EXOC4: variants seen among roughly 807,000 people sequenced by gnomAD.
EXOC4 encodes exocyst complex component 4, also known as SEC8-like 1.
A neutral mutation model predicts 107.2 loss-of-function variants in EXOC4; 71 were observed. That is an observed-to-expected ratio of 0.66 (90% CI 0.55 to 0.81). The LOEUF (loss-of-function observed/expected upper bound fraction) is 0.81. Ranked by LOEUF, EXOC4 falls within the 30% of genes least tolerant of loss-of-function variation. The pLI is 0.00. For missense variants in EXOC4, 1,108 were observed against 1,189.6 expected, an observed-to-expected ratio of 0.93 and a Z score of 1.01; for synonymous variants, 456 against 441.2, an observed-to-expected ratio of 1.03 and a Z score of -0.42.
At chr7:133,888,553 A>G (rs780744815) in intron 11 of EXOC4, among the ~76,000 whole-genome samples, 14 of 152,336 alleles carry the variant, frequency 9.2e-5, no homozygotes, top group African/African-American at 1.2e-4. Context: ...TTTGTTGACT[A>G]TGCGTCTTTT....
chr7:133,261,308 C>T (rs1307007779), intron 1 of EXOC4, among the ~76,000 whole-genome samples: 6 of 150,714 alleles, frequency 4.0e-5, no homozygotes, highest in African/African-American at 1.5e-4. Flanking sequence ...GCTCTCTTGC[C>T]CAGGCTGGAG....
intron 9 of EXOC4, among the ~76,000 whole-genome samples, chr7:133,506,565 C>T (rs1022238491): frequency 6.6e-6 from 1 of 152,058 alleles, no homozygotes. Flanking sequence ...TTATGAACAT[C>T]TGTGATACTC....
At position 133,919,313 on chromosome 7, in the gene EXOC4, T is replaced by C. The variant is rs1799885171; in HGVS notation, c.2027+1575T>C. On this transcript the variant is annotated intron_variant, in intron 13 of 17. Coordinates refer to ENST00000253861, the MANE Select transcript of EXOC4 (RefSeq NM_021807.4). ...ACACCTCCCCCAACCATTTCCTCTG[T>C]TTTTAACATCTTGCATTCATGTGGT... is the stretch of plus-strand genomic sequence containing the variant. 1.3e-5 allele frequency among the ~76,000 whole-genome samples: 2 copies of C among 152,158 alleles called. 1 individual carries two copies. The highest frequency in any genetic ancestry group is 1.3e-4 in the Admixed American group (2 of 15,276).
At chr7:133,326,155 G>A (rs371192601) in intron 5 of EXOC4, among the ~76,000 whole-genome samples, 2 of 152,116 alleles carry the variant, frequency 1.3e-5, no homozygotes, top group Non-Finnish European at 2.9e-5. Flanking sequence ...CAATGGGTTC[G>A]AACTTCCTCC....
At chr7:133,982,946 C>A (rs908932706) in intron 14 of EXOC4, among the ~76,000 whole-genome samples, 1 of 152,160 alleles carries the variant, frequency 6.6e-6, no homozygotes, top group Non-Finnish European at 1.5e-5. Flanking sequence ...GTATGATAGT[C>A]TGTTCTTGCA....
chr7:133,847,875 ATT>A (rs55923568), intron 11 of EXOC4, among the ~76,000 whole-genome samples: 14 of 85,056 alleles, frequency 1.6e-4, no homozygotes, highest in African/African-American at 5.9e-4. Flanking sequence ...TGCCCAGCTA[ATT>A]TTTTTTTTTT....
chr7:133,608,292 A>C (rs987951838), intron 9 of EXOC4, among the ~76,000 whole-genome samples: 1 of 152,098 alleles, frequency 6.6e-6, no homozygotes, highest in African/African-American at 2.4e-5. Flanking sequence ...ATTTAGGTTA[A>C]CAGTTTGTTT....
chr7:133,985,160 A>C (rs1794085514), intron 14 of EXOC4, among the ~76,000 whole-genome samples: 1 of 152,214 alleles, frequency 6.6e-6, no homozygotes, highest in African/African-American at 2.4e-5. Context: ...AAACACTAAA[A>C]AGTTATATTG....
intron 9 of EXOC4, among the ~76,000 whole-genome samples, chr7:133,591,764 T>C (rs1447184952): frequency 6.6e-6 from 1 of 152,192 alleles, no homozygotes; most frequent in African/African-American, 2.4e-5. Flanking sequence ...GGGACCGCTC[T>C]GTAAAAGGTG....
intron 10 of EXOC4, among the ~76,000 whole-genome samples, chr7:133,689,062 A>C (rs1233781213): frequency 6.6e-6 from 1 of 152,182 alleles, no homozygotes; most frequent in Non-Finnish European, 1.5e-5. Flanking sequence ...TCTGGAAACT[A>C]TGCTGTGGTC....
chr7:134,092,528 A>T, the EXOC4 span, among the ~76,000 whole-genome samples: 1 of 152,206 alleles, frequency 6.6e-6, no homozygotes, highest in African/African-American at 2.4e-5. Flanking sequence ...GAAACCTTAT[A>T]AGCCAGAGGA....
chr7:133,550,377 T>C (rs1351983082), intron 9 of EXOC4, among the ~76,000 whole-genome samples: 1 of 152,184 alleles, frequency 6.6e-6, no homozygotes, highest in Non-Finnish European at 1.5e-5. Flanking sequence ...CTGTTTAGAC[T>C]TGTTTTATTA....
At chr7:133,485,902 T>C (rs1193767951) in intron 9 of EXOC4, among the ~76,000 whole-genome samples, 1 of 152,208 alleles carries the variant, frequency 6.6e-6, no homozygotes, top group Admixed American at 6.5e-5. Flanking sequence ...AGTAAGAGTA[T>C]ATTAATTGCC....
intron 9 of EXOC4, among the ~76,000 whole-genome samples, chr7:133,590,148 A>T (rs1801507096): frequency 6.6e-6 from 1 of 152,160 alleles, no homozygotes. Context: ...CCATTTTCCC[A>T]GTGCACATGC....
intron 10 of EXOC4, among the ~76,000 whole-genome samples, chr7:133,731,380 G>A (rs1325118021): frequency 2.6e-5 from 4 of 151,840 alleles, no homozygotes; most frequent in Non-Finnish European, 5.9e-5. Context: ...TGTGAGACAT[G>A]CATAAATGAA....
intron 17 of EXOC4, among the ~76,000 whole-genome samples, chr7:134,021,329 C>A (rs117838261): frequency 6.6e-6 from 1 of 152,126 alleles, no homozygotes; most frequent in East Asian, 1.9e-4. Context: ...TAGTCAAGAT[C>A]GTGCTTAAAG....
intron 2 of EXOC4, among the ~76,000 whole-genome samples, chr7:133,278,083 C>T (rs921578510): frequency 2.6e-5 from 4 of 151,004 alleles, no homozygotes; most frequent in Non-Finnish European, 5.9e-5. Flanking sequence ...TGTTGAGTGC[C>T]CGCTATGTTG....
intron 10 of EXOC4, among the ~76,000 whole-genome samples, chr7:133,807,828 C>T (rs1443493825): frequency 1.3e-5 from 2 of 152,098 alleles, no homozygotes; most frequent in East Asian, 1.9e-4. Flanking sequence ...TAACAGCTGT[C>T]GTTTTTAGAG....
intron 5 of EXOC4, among the ~76,000 whole-genome samples, chr7:133,320,591 C>G (rs184380692): frequency 3.9e-4 from 59 of 152,318 alleles, no homozygotes; most frequent in Middle Eastern, 3.4e-3. Context: ...TGCCATGTGA[C>G]TAATCACAGG....
Sources: gnomAD v4.1 joint callset for allele counts (sites outside exome capture counted in the v4.1 genomes callset) on GRCh38, gnomAD v4.1.1 for gene constraint, MANE v1.5 for transcripts, NCBI Gene and HGNC (gene_info 2026-07-23, HGNC 2026-07-21) for gene names.